The following NRG3 variants were observed in gnomAD, a reference collection of about 807,000 sequenced individuals.
The protein encoded by NRG3 is pro-neuregulin-3, membrane-bound isoform.
NRG3 carries 31 observed loss-of-function variants against 66.9 expected under a neutral mutation model. The ratio of observed to expected loss-of-function variants is 0.46; its 90% confidence interval spans 0.35 to 0.63. The LOEUF is 0.63. Ranked by LOEUF, NRG3 falls within the 20% of genes least tolerant of loss-of-function variation. The pLI, the probability that NRG3 is intolerant of heterozygous loss-of-function variation, is 0.00. For synonymous variants in NRG3, 393 were observed against 359.4 expected (o/e 1.09, Z -1.06); for missense variants, 910 against 878.9 (o/e 1.04, Z -0.45).
At chr10:81,947,116 G>A (rs999885400) in intron 1 of NRG3, among the ~76,000 whole-genome samples, 1 of 152,118 alleles carries the variant, frequency 6.6e-6, no homozygotes, top group Non-Finnish European at 1.5e-5. Flanking sequence ...GCTTCTGGTA[G>A]CCTCAGCCAG....
intron 2 of NRG3, among the ~76,000 whole-genome samples, chr10:82,433,172 T>A (rs1168747975): frequency 6.6e-6 from 1 of 152,198 alleles, no homozygotes; most frequent in African/African-American, 2.4e-5. Context: ...TGGTGTGAGA[T>A]GGTATCTCAT....
intron 1 of NRG3, among the ~76,000 whole-genome samples, chr10:82,021,576 A>T (rs1018171597): frequency 3.9e-5 from 6 of 152,110 alleles, no homozygotes; most frequent in African/African-American, 1.4e-4. Context: ...AGTTTGTTAG[A>T]ACTGTGTCTC....
At chr10:82,690,473 C>T (rs1477439068) in intron 2 of NRG3, among the ~76,000 whole-genome samples, 3 of 152,026 alleles carry the variant, frequency 2.0e-5, no homozygotes, top group Non-Finnish European at 4.4e-5. Context: ...GCATGCTATC[C>T]TCATCCTCCA....
rs533068645 is a variant in NRG3, at chr10:82,507,323, A to G, written c.953+148455A>G. On this transcript the variant is annotated intron_variant, in intron 2 of 8. Transcript: ENST00000372141. ...GCATGGGTTGATTTCTAGCAGTACAATAAAGAGAGAGAAGTGAGGTGAGAA... is the reference window on the plus strand; with the variant it reads ...GCATGGGTTGATTTCTAGCAGTACAGTAAAGAGAGAGAAGTGAGGTGAGAA... 2.0e-5 allele frequency among the ~76,000 whole-genome samples: 3 copies of G among 152,316 alleles called. No individual in the cohort carries two copies. In the East Asian group the frequency reaches 5.8e-4, roughly 29 times the overall value.
At chr10:82,212,034 A>G (rs1194496822) in intron 1 of NRG3, among the ~76,000 whole-genome samples, 1 of 152,170 alleles carries the variant, frequency 6.6e-6, no homozygotes, top group African/African-American at 2.4e-5. Context: ...TTTTAGTTCT[A>G]GGACCTCCCT....
At chr10:82,594,679 C>G (rs773300905) in intron 2 of NRG3, among the ~76,000 whole-genome samples, 4 of 152,160 alleles carry the variant, frequency 2.6e-5, no homozygotes, top group Non-Finnish European at 4.4e-5. Context: ...TTTCCTACAT[C>G]TAGCAAAGAT....
At chr10:81,940,205 G>A (rs893138498) in intron 1 of NRG3, among the ~76,000 whole-genome samples, 7 of 152,236 alleles carry the variant, frequency 4.6e-5, no homozygotes, top group Admixed American at 3.9e-4. Flanking sequence ...ATCTTGGAGA[G>A]TGTTTTGCAT....
chr10:82,024,364 T>G (rs1252655908), intron 1 of NRG3, among the ~76,000 whole-genome samples: 1 of 152,046 alleles, frequency 6.6e-6, no homozygotes, highest in Non-Finnish European at 1.5e-5. Flanking sequence ...TCTTTATTAT[T>G]TCTTTTCTTC....
At chr10:81,893,983 A>G (rs1177494039) in intron 1 of NRG3, among the ~76,000 whole-genome samples, 2 of 152,216 alleles carry the variant, frequency 1.3e-5, no homozygotes, top group African/African-American at 4.8e-5. Context: ...GTGTGAAGCT[A>G]TCTCTATCAG....
At chr10:82,774,808 C>CTTTTTCT (rs926142240) in intron 3 of NRG3, among the ~76,000 whole-genome samples, 1 of 128,036 alleles carries the variant, frequency 7.8e-6, no homozygotes, top group Non-Finnish European at 1.6e-5. Context: ...TTTTATTTTC[C>CTTTTTCT]TTTTTCTTTT....
intron 1 of NRG3, among the ~76,000 whole-genome samples, chr10:82,115,032 T>C (rs568698975): frequency 1.6e-4 from 25 of 152,292 alleles, no homozygotes; most frequent in Middle Eastern, 6.8e-3. Flanking sequence ...GCTGTCCCAA[T>C]GTTCCTTCCT....
At chr10:82,606,598 G>A (rs1032621631) in intron 2 of NRG3, among the ~76,000 whole-genome samples, 1 of 152,026 alleles carries the variant, frequency 6.6e-6, no homozygotes, top group African/African-American at 2.4e-5. Context: ...CCAGCACAAG[G>A]TTAACAAGAA....
In NRG3 at chr10:82,952,425, CA is replaced by C. The variant is rs35502999; in HGVS notation, c.1157+869del. Among the ~76,000 whole-genome samples the C allele has an allele frequency of 1.2e-3, 129 of 104,562 alleles. 7 individuals are homozygous for C. Among genetic ancestry groups the C allele is most frequent in the South Asian group, 4.3e-3 (12 of 2,762 alleles). The allele number at this position is 104,562 out of a possible 152,430, so 68.6% of individuals were successfully genotyped here. A position where few individuals can be genotyped will look rare whatever the true frequency, so the allele number is the denominator to read the frequency against. On this transcript the variant is annotated intron_variant, in intron 5 of 8. Transcript: ENST00000372141. ...TGCAGCCTCGGGGACAGAGTTGTCT[CA>C]AAAAAAAAAAAAAAGTAGATATAAA...
chr10:82,163,251 CAACTG>C (rs2071747376), intron 1 of NRG3, among the ~76,000 whole-genome samples: 1 of 152,144 alleles, frequency 6.6e-6, no homozygotes, highest in Non-Finnish European at 1.5e-5. Context: ...AAAGTGCCCA[CAACTG>C]AAGGAGTGAC....
chr10:82,049,276 G>T (rs1222979553), intron 1 of NRG3, among the ~76,000 whole-genome samples: 2 of 152,018 alleles, frequency 1.3e-5, no homozygotes, highest in African/African-American at 2.4e-5. Flanking sequence ...GATGTCTGTT[G>T]TCTGCATTCA....
intron 1 of NRG3, among the ~76,000 whole-genome samples, chr10:82,229,935 A>G (rs1438804034): frequency 1.3e-5 from 2 of 152,218 alleles, no homozygotes; most frequent in Non-Finnish European, 2.9e-5. Context: ...ATGAAACAAA[A>G]TAAATTAACA....
At chr10:82,293,332 GA>G (rs145110401) in intron 1 of NRG3, among the ~76,000 whole-genome samples, 4 of 150,808 alleles carry the variant, frequency 2.7e-5, no homozygotes, top group South Asian at 2.1e-4. Context: ...GCATTGTTCA[GA>G]AAAAAAAATA....
intron 1 of NRG3, among the ~76,000 whole-genome samples, chr10:82,175,585 T>G (rs1029471387): frequency 4.6e-5 from 7 of 152,198 alleles, no homozygotes; most frequent in African/African-American, 1.7e-4. Context: ...TCTGAAGGCA[T>G]CCACAATTTG....
chr10:82,870,708 T>G (rs556254777), intron 4 of NRG3, among the ~76,000 whole-genome samples: 1 of 152,364 alleles, frequency 6.6e-6, no homozygotes, highest in African/African-American at 2.4e-5. Flanking sequence ...TTTCATATGC[T>G]TATTTGCCAT....
Sources: gnomAD v4.1 joint callset for allele counts (sites outside exome capture counted in the v4.1 genomes callset) on GRCh38, gnomAD v4.1.1 for gene constraint, MANE v1.5 for transcripts, NCBI Gene and HGNC (gene_info 2026-07-23, HGNC 2026-07-21) for gene names.